LRRC7: variants seen among roughly 807,000 people sequenced by gnomAD.
LRRC7 encodes the protein leucine rich repeat containing 7, also known as leucine-rich repeat-containing protein 7.
Under a neutral mutation model 175.7 loss-of-function variants are expected in LRRC7, and 23 were observed. The ratio of observed to expected loss-of-function variants is 0.13; its 90% CI spans 0.09 to 0.19. The LOEUF is 0.19. LRRC7 is among the 10% of genes least tolerant of loss of function. The pLI is 1.00. For missense variants in LRRC7, 1,354 were observed against 1,904.7 expected (o/e 0.71, Z 5.38); for synonymous variants, 685 against 680.9 (o/e 1.01, Z -0.09).
chr1:69,759,877 G>A (rs1478325894), intron 2 of LRRC7, among the ~76,000 whole-genome samples: 1 of 152,042 alleles, frequency 6.6e-6, no homozygotes, highest in Non-Finnish European at 1.5e-5. Flanking sequence ...GAGGAGGTAA[G>A]CATGCTAGTA....
chr1:70,010,491 G>T (rs150507904), intron 11 of LRRC7, among the ~76,000 whole-genome samples: 2,253 of 152,218 alleles, frequency 0.015, 29 homozygotes, highest in South Asian at 0.031. Context: ...CTTGAACCCA[G>T]GAAGTGGGGG....
intron 2 of LRRC7, among the ~76,000 whole-genome samples, chr1:69,689,122 G>C (rs1340094805): frequency 1.3e-5 from 2 of 152,054 alleles, no homozygotes; most frequent in East Asian, 1.9e-4. Flanking sequence ...ATCATCTTCA[G>C]TTTCTCCTTT....
intron 1 of LRRC7, among the ~76,000 whole-genome samples, chr1:69,594,452 T>C (rs7528212): frequency 0.011 from 1,628 of 152,288 alleles, 31 homozygotes; most frequent in African/African-American, 0.035. Context: ...TGTTTTCTTC[T>C]TCAAAGTAGC....
At chr1:69,609,213 T>G (rs1309187832) in intron 1 of LRRC7, among the ~76,000 whole-genome samples, 2 of 151,884 alleles carry the variant, frequency 1.3e-5, no homozygotes, top group Non-Finnish European at 2.9e-5. Context: ...AGAATATTGC[T>G]TTTGATCTTT....
At chr1:69,987,652 T>C (rs1330513011) in intron 10 of LRRC7, among the ~76,000 whole-genome samples, 1 of 152,232 alleles carries the variant, frequency 6.6e-6, no homozygotes, top group African/African-American at 2.4e-5. Context: ...CATATAACTT[T>C]TAAAAATTAA....
intron 1 of LRRC7, among the ~76,000 whole-genome samples, chr1:69,642,340 A>G (rs2100435632): frequency 6.6e-6 from 1 of 152,152 alleles, no homozygotes; most frequent in East Asian, 1.9e-4. Flanking sequence ...ATAAACCATT[A>G]TATTCAAATA....
intron 2 of LRRC7, among the ~76,000 whole-genome samples, chr1:69,735,781 GC>G (rs2100834150): frequency 6.6e-6 from 1 of 151,106 alleles, no homozygotes; most frequent in East Asian, 1.9e-4. Flanking sequence ...TTTATTCCTC[GC>G]CCCTTTCTCT....
chr1:69,890,000 T>G (rs986077283), intron 7 of LRRC7, among the ~76,000 whole-genome samples: 3 of 152,234 alleles, frequency 2.0e-5, no homozygotes, highest in Admixed American at 6.5e-5. Context: ...TGAAATTACT[T>G]TCTACACTGA....
rs182047577 is a variant in LRRC7, at chr1:69,898,252, G to T, written c.648-33255G>T. On this transcript the variant is annotated intron_variant, in intron 7 of 26. Coordinates refer to ENST00000651989, the MANE Select transcript of LRRC7 (RefSeq NM_001370785.2). The stretch of plus-strand genomic sequence containing the variant: ...GTTTTCAACATAATAAATTGGAAAG[G>T]CACATGGTATATTCAAGTGGAGCCA... Among the ~76,000 whole-genome samples the T allele has an allele frequency of 4.6e-4, 70 of 152,264 alleles. 1 individual carries two copies. Among genetic ancestry groups the T allele is most frequent in the Non-Finnish European group, 2.9e-5 (2 of 68,024 alleles).
In LRRC7 at chr1:69,848,480, T is replaced by C. The variant is rs568300940; in HGVS notation, c.647+10197T>C. On this transcript the variant is annotated intron_variant, in intron 7 of 26. Transcript: ENST00000651989. Reference sequence around the variant, plus strand: ...GAATTTCATCAGATATATTTTATTATAGCATCTTGAAAGATTTCCCTACCA... The same window carrying C: ...GAATTTCATCAGATATATTTTATTACAGCATCTTGAAAGATTTCCCTACCA... Among the ~76,000 whole-genome samples the C allele has an allele frequency of 2.6e-5, 4 of 152,234 alleles. No individual in the cohort carries two copies. The South Asian group carries it at 8.3e-4, about 32-fold the overall frequency.
chr1:69,645,007 G>A (rs2100450992), intron 1 of LRRC7, among the ~76,000 whole-genome samples: 1 of 152,096 alleles, frequency 6.6e-6, no homozygotes, highest in Non-Finnish European at 1.5e-5. Context: ...AAAATCTATA[G>A]CTAATGTCAG....
intron 1 of LRRC7, among the ~76,000 whole-genome samples, chr1:69,576,235 A>AC (rs1478894038): frequency 2.9e-5 from 4 of 137,794 alleles, no homozygotes; most frequent in African/African-American, 1.0e-4. Flanking sequence ...CTGAAAAAAA[A>AC]AAAAGTTACT....
Position 70,136,517 on chromosome 1 carries a change from T to C in LRRC7, c.*14630T>C, listed in dbSNP as rs1287593257. ...ATGAACAAGGGGTTATGTTCAAAAT[T>C]CTATTATAAGAACAATGGAAGATAT... On this transcript the variant is annotated 3_prime_UTR_variant, in exon 27 of 27. Transcript: ENST00000651989. Among the ~76,000 whole-genome samples the C allele has an allele frequency of 1.3e-5, 2 of 152,094 alleles. No homozygotes were observed. The highest frequency in any genetic ancestry group is 2.9e-5 in the Non-Finnish European group (2 of 68,034).
intron 8 of LRRC7, among the ~76,000 whole-genome samples, chr1:69,945,602 T>G (rs1345927623): frequency 1.3e-5 from 2 of 152,174 alleles, no homozygotes; most frequent in Admixed American, 6.6e-5. Flanking sequence ...GTATGGGCAT[T>G]ATACCAATAT....
chr1:69,778,846 G>A (rs75336793), intron 3 of LRRC7, among the ~76,000 whole-genome samples: 2,232 of 151,520 alleles, frequency 0.015, 50 homozygotes, highest in African/African-American at 0.05. Context: ...TGACTGATCA[G>A]GGCATAGAAT....
At chr1:69,734,627 T>C (rs1285395757) in intron 2 of LRRC7, among the ~76,000 whole-genome samples, 2 of 151,998 alleles carry the variant, frequency 1.3e-5, no homozygotes, top group Non-Finnish European at 2.9e-5. Flanking sequence ...CTTTTATAAA[T>C]GATTATGCAT....
chr1:69,930,962 G>T (rs1412894882), intron 7 of LRRC7, among the ~76,000 whole-genome samples: 2 of 152,174 alleles, frequency 1.3e-5, no homozygotes, highest in African/African-American at 4.8e-5. Context: ...TTCAAGATGA[G>T]ATTTGGGTCA....
chr1:69,762,132 T>C (rs1195045416), intron 3 of LRRC7, among the ~76,000 whole-genome samples: 1 of 152,044 alleles, frequency 6.6e-6, no homozygotes, highest in African/African-American at 2.4e-5. Context: ...CTTATCATCC[T>C]GTATTTTTAT....
At chr1:70,005,195 T>A (rs978783431) in intron 11 of LRRC7, among the ~76,000 whole-genome samples, 5 of 152,168 alleles carry the variant, frequency 3.3e-5, no homozygotes, top group Admixed American at 3.3e-4. Context: ...TAATAGTAGA[T>A]AAAGGTCACT....
Sources: gnomAD v4.1 joint callset for allele counts (sites outside exome capture counted in the v4.1 genomes callset) on GRCh38, gnomAD v4.1.1 for gene constraint, MANE v1.5 for transcripts, NCBI Gene and HGNC (gene_info 2026-07-23, HGNC 2026-07-21) for gene names.